Variants in TLE1 observed in about 807,000 individuals in gnomAD.
TLE1 encodes TLE family member 1, transcriptional corepressor, also known as transducin-like enhancer protein 1.
In TLE1, 21 loss-of-function variants were observed where a neutral mutation model predicts 89.8. The ratio of observed to expected loss-of-function variants is 0.23; its 90% confidence interval spans 0.17 to 0.34. The LOEUF is 0.34. Among genes scored for constraint, TLE1 ranks in the 10% least tolerant of loss-of-function variants. The pLI, the probability that TLE1 is intolerant of heterozygous loss-of-function variation, is 1.00. For missense variants in TLE1, 795 were observed against 1,031.2 expected (o/e 0.77, Z 3.14); for synonymous variants, 447 against 407.6 (o/e 1.10, Z -1.16).
In TLE1 at chr9:81,688,473, C is replaced by T; in HGVS notation, c.-233G>A. 1 of 433,132 alleles carries T rather than the reference C, an allele frequency of 2.3e-6. No homozygotes were observed. The highest frequency in any genetic ancestry group is 4.0e-6 in the Non-Finnish European group (1 of 248,738). The allele number at this position is 433,132 out of a possible 1,614,324, so 26.8% of individuals were successfully genotyped here. A position where few individuals can be genotyped will look rare whatever the true frequency, so the allele number is the denominator to read the frequency against. ...CTCAGGGCCACATTAGTGGGCGCCC[C>T]AGGCCCAGCTGCTTCAAGAACCTGC... On this transcript the variant is annotated 5_prime_UTR_variant, in exon 1 of 20. Transcript: ENST00000376499.
chr9:81,679,502 G>C (rs896069444), intron 4 of TLE1, among the ~76,000 whole-genome samples: 14 of 151,562 alleles, frequency 9.2e-5, no homozygotes, highest in African/African-American at 3.2e-4. Flanking sequence ...CACACCTCAC[G>C]GGGAAAAAAA....
At position 81,594,756 on chromosome 9, in the gene TLE1, C is replaced by T. The variant is rs144841339; in HGVS notation, c.1332-1482G>A. ...ATAATGTAAACACCATGAGTACTAACACAGAGCTTAAATTTTCATTTTAAT... is the reference window on the plus strand; with the variant it reads ...ATAATGTAAACACCATGAGTACTAATACAGAGCTTAAATTTTCATTTTAAT... On this transcript the variant is annotated intron_variant, in intron 14 of 19. Transcript: ENST00000376499. 2.2e-3 allele frequency among the ~76,000 whole-genome samples: 338 copies of T among 152,224 alleles called. 2 individuals are homozygous for T. Among genetic ancestry groups the T allele is most frequent in the East Asian group, 0.011 (58 of 5,186 alleles).
chr9:81,628,872 C>T lies in TLE1; in HGVS notation c.594+4476G>A, dbSNP rs182731037. On this transcript the variant is annotated intron_variant, in intron 8 of 19. Coordinates refer to ENST00000376499, the MANE Select transcript of TLE1 (RefSeq NM_005077.5). The stretch of plus-strand genomic sequence containing the variant: ...TTAGACTGTTCTGAGTTAGGAAGCC[C>T]TTTCTGAGAATTTGATGAGTTATAG... Among the ~76,000 whole-genome samples, 361 of 152,210 alleles carry T rather than the reference C, an allele frequency of 2.4e-3. 2 individuals are homozygous for T. Among genetic ancestry groups the T allele is most frequent in the African/African-American group, 8.2e-3 (341 of 41,556 alleles).
intron 8 of TLE1, among the ~76,000 whole-genome samples, chr9:81,629,789 T>C (rs1479250305): frequency 6.6e-6 from 1 of 152,036 alleles, no homozygotes; most frequent in African/African-American, 2.4e-5. Flanking sequence ...CACCTAAACA[T>C]AGAAAAGGTA....
intron 6 of TLE1, 108 bp downstream of exon 6, chr9:81,652,106 T>C (rs1458513599): frequency 1.3e-5 from 9 of 696,350 alleles, no homozygotes; most frequent in East Asian, 2.8e-5. Context: ...AACGTTAAGA[T>C]ACACACACAC....
At chr9:81,668,115 A>G (rs189607710) in intron 4 of TLE1, among the ~76,000 whole-genome samples, 4 of 151,984 alleles carry the variant, frequency 2.6e-5, no homozygotes, top group Non-Finnish European at 5.9e-5. Flanking sequence ...CGATGAGCCG[A>G]GATCGCGCCA....
chr9:81,668,020 C>T (rs940387810), intron 4 of TLE1, among the ~76,000 whole-genome samples: 1 of 151,940 alleles, frequency 6.6e-6, no homozygotes, highest in Non-Finnish European at 1.5e-5. Context: ...AAAAATTAGC[C>T]GGGCGTGGTG....
At chr9:81,593,570 T>C (rs915877079) in intron 14 of TLE1, among the ~76,000 whole-genome samples, 3 of 152,208 alleles carry the variant, frequency 2.0e-5, no homozygotes, top group Non-Finnish European at 4.4e-5. Context: ...AATCTCATTA[T>C]AAAACACTTA....
rs761304901 is a variant in TLE1, at chr9:81,616,632, A to C, written c.765+14T>G. On this transcript the variant is annotated intron_variant, in intron 10 of 19. Coordinates refer to ENST00000376499, the MANE Select transcript of TLE1 (RefSeq NM_005077.5). ...ATCATTCTGAAGACAAACTTTGATG[A>C]AAAGAATGGTTACCTCATTAGACAC... The C allele has an allele frequency of 6.2e-7, 1 of 1,613,456 alleles. No homozygotes were observed. The highest frequency in any genetic ancestry group is 8.5e-7 in the Non-Finnish European group (1 of 1,179,682).
intron 4 of TLE1, among the ~76,000 whole-genome samples, chr9:81,675,508 AGTTTT>A (rs1208677353): frequency 6.6e-6 from 1 of 152,100 alleles, no homozygotes; most frequent in Non-Finnish European, 1.5e-5. Flanking sequence ...GCAACATGCT[AGTTTT>A]GTTTATCTCT....
rs1246868539 is a variant in TLE1, at chr9:81,688,397, C to G, written c.-157G>C. 1.3e-6 allele frequency: 1 copy of G among 794,130 alleles called. No homozygotes were observed. Among genetic ancestry groups the G allele is most frequent in the African/African-American group, 1.9e-5 (1 of 54,000 alleles). 49.2% of individuals were successfully genotyped at this position (794,130 alleles called of 1,614,324 possible). A position where few individuals can be genotyped will look rare whatever the true frequency, so the allele number is the denominator to read the frequency against. ...CGCTCCGCCGGGCGCACCGGCCACT[C>G]GGCGCCCGCAGCTGCTCCGGCTCCC... On this transcript the variant is annotated 5_prime_UTR_variant, in exon 1 of 20. Transcript: ENST00000376499.
chr9:81,649,347 T>G (rs2627010), intron 6 of TLE1, among the ~76,000 whole-genome samples: 32,462 of 152,052 alleles, frequency 0.21, 3,999 homozygotes, highest in East Asian at 0.47. Context: ...CTCTGTCTCC[T>G]CGAAGAGCAC....
chr9:81,666,584 G>A (rs1291539791), intron 4 of TLE1, among the ~76,000 whole-genome samples: 1 of 151,904 alleles, frequency 6.6e-6, no homozygotes, highest in African/African-American at 2.4e-5. Flanking sequence ...AGACCAGCCT[G>A]ACTAACATGA....
intron 4 of TLE1, among the ~76,000 whole-genome samples, chr9:81,671,075 G>T (rs1832162806): frequency 6.6e-6 from 1 of 152,126 alleles, no homozygotes; most frequent in Non-Finnish European, 1.5e-5. Context: ...GGCTGAGACA[G>T]GAGAATAGCT....
intron 4 of TLE1, among the ~76,000 whole-genome samples, chr9:81,655,757 GAC>G (rs1830077686): frequency 6.7e-6 from 1 of 149,266 alleles, no homozygotes; most frequent in Admixed American, 6.8e-5. Context: ...AATGGAAAAA[GAC>G]AAAGTAGAAA....
chr9:81,684,184 G>T (rs1833971060), intron 4 of TLE1, among the ~76,000 whole-genome samples: 1 of 150,502 alleles, frequency 6.6e-6, no homozygotes, highest in African/African-American at 2.4e-5. Flanking sequence ...CCTAGGCCAA[G>T]TTTATTTGCA....
At chr9:81,669,636 C>T (rs768318653) in intron 4 of TLE1, among the ~76,000 whole-genome samples, 1 of 152,042 alleles carries the variant, frequency 6.6e-6, no homozygotes, top group African/African-American at 2.4e-5. Context: ...AAAAGACATG[C>T]ACACAAAGAG....
chr9:81,659,416 T>C (rs1189860954), intron 4 of TLE1, among the ~76,000 whole-genome samples: 1 of 152,182 alleles, frequency 6.6e-6, no homozygotes, highest in Non-Finnish European at 1.5e-5. Flanking sequence ...ATAATGCTTA[T>C]AAACTTTCCC....
At chr9:81,663,027 T>C (rs1831013908) in intron 4 of TLE1, among the ~76,000 whole-genome samples, 2 of 151,984 alleles carry the variant, frequency 1.3e-5, no homozygotes, top group Admixed American at 1.3e-4. Flanking sequence ...TTTGCATTTT[T>C]AGTAGATGGG....
Sources: allele counts gnomAD v4.1 joint callset (sites outside exome capture counted in the v4.1 genomes callset), GRCh38; gene constraint gnomAD v4.1.1; transcripts MANE v1.5; gene names NCBI Gene and HGNC (gene_info 2026-07-23, HGNC 2026-07-21).